GSDME: variants seen among roughly 807,000 people sequenced by gnomAD.
GSDME encodes gasdermin-E.
Under a neutral mutation model 47.5 loss-of-function variants are expected in GSDME, and 44 were observed. The observed-to-expected ratio is 0.93, with a 90% CI of 0.73 to 1.19. GSDME has a LOEUF of 1.19. Among genes scored for constraint, GSDME ranks in the 50% most tolerant of loss-of-function variants. The pLI is 0.00. For synonymous variants in GSDME, 258 were observed against 252.8 expected (o/e 1.02, Z -0.20); for missense variants, 663 against 604.2 (o/e 1.10, Z -1.02).
upstream of GSDME, among the ~76,000 whole-genome samples, chr7:24,760,710 T>A (rs1791153792): frequency 6.6e-6 from 1 of 152,250 alleles, no homozygotes. The surrounding 1 kb of genome is among the most constrained non-coding windows in gnomAD (Gnocchi z 4.2). Flanking sequence ...AAATTTGGCA[T>A]ACATTGATAT....
chr7:24,709,497 G>A (rs1239081699), intron 6 of GSDME, among the ~76,000 whole-genome samples: 4 of 152,062 alleles, frequency 2.6e-5, no homozygotes, highest in South Asian at 2.1e-4. Context: ...GGGACTCATC[G>A]AAGCTCCACA....
intron 9 of GSDME, among the ~76,000 whole-genome samples, chr7:24,702,240 A>T (rs186520433): frequency 2.0e-5 from 3 of 152,212 alleles, no homozygotes; most frequent in Non-Finnish European, 4.4e-5. Flanking sequence ...GGCTAAGCTC[A>T]TCATTACCTA....
At chr7:24,734,380 G>T (rs1202769693) in intron 3 of GSDME, among the ~76,000 whole-genome samples, 2 of 152,210 alleles carry the variant, frequency 1.3e-5, no homozygotes, top group African/African-American at 4.8e-5. Flanking sequence ...TCAAAGCCCA[G>T]ATACTGACAA....
chr7:24,791,886 G>A, the GSDME span, among the ~76,000 whole-genome samples: 44 of 152,344 alleles, frequency 2.9e-4, no homozygotes, highest in African/African-American at 7.7e-4. The surrounding 1 kb of genome is among the most constrained non-coding windows in gnomAD (Gnocchi z 4.8). Context: ...TGAGAGACAC[G>A]AAGTGAACTT....
intron 6 of GSDME, among the ~76,000 whole-genome samples, chr7:24,709,704 A>G (rs1382408434): frequency 6.6e-6 from 1 of 152,214 alleles, no homozygotes; most frequent in Non-Finnish European, 1.5e-5. Context: ...AGCAAAAGGA[A>G]TTGCTGCAGG....
In GSDME at chr7:24,712,473, C is replaced by G. The variant is rs1370152082; in HGVS notation, c.698-2085G>C. Among the ~76,000 whole-genome samples, 1 of 152,226 alleles carries G rather than the reference C, an allele frequency of 6.6e-6. No homozygotes were observed. The highest frequency in any genetic ancestry group is 1.5e-5 in the Non-Finnish European group (1 of 68,046). ...CAATTAATTCCTTCATTCTTTTCAT[C>G]CATCCATCCCCAGCCAGCCAGCCAG... On this transcript the variant is annotated intron_variant, in intron 5 of 9. Transcript: ENST00000645220. The surrounding 1 kb of genome is among the most constrained non-coding windows in gnomAD (Gnocchi z 4.4).
chr7:24,776,332 G>T, the GSDME span, among the ~76,000 whole-genome samples: 17 of 152,292 alleles, frequency 1.1e-4, 1 homozygote, highest in Admixed American at 7.2e-4. Flanking sequence ...GAGTCAGATT[G>T]TGTCTGTCAC....
rs550205345 is a variant in GSDME, at chr7:24,743,627, C to T, written c.404+935G>A. On this transcript the variant is annotated intron_variant, in intron 3 of 9. Coordinates refer to ENST00000645220, the MANE Select transcript of GSDME (RefSeq NM_001127453.2). The stretch of plus-strand genomic sequence containing the variant: ...GCCTTCAAGGTCCTGTGGGACTTGG[C>T]GCCCCACCCCTTTCAGCCCCTCCGA... Among the ~76,000 whole-genome samples, 6 of 152,214 alleles carry T rather than the reference C, an allele frequency of 3.9e-5. No individual in the cohort carries two copies. The East Asian group carries it at 5.8e-4, about 15-fold the overall frequency.
At position 24,754,276 on chromosome 7, in the gene GSDME, C is replaced by T. The variant is rs1283965595; in HGVS notation, c.-20+3120G>A. Among the ~76,000 whole-genome samples the T allele has an allele frequency of 6.6e-6, 1 of 152,080 alleles. No individual in the cohort carries two copies. Among genetic ancestry groups the T allele is most frequent in the African/African-American group, 2.4e-5 (1 of 41,408 alleles). On this transcript the variant is annotated intron_variant, in intron 1 of 9. Transcript: ENST00000645220. The surrounding 1 kb of genome is among the most constrained non-coding windows in gnomAD (Gnocchi z 5.0). ...CCGAGGTGGGGCGGATCACCTAGGT[C>T]AGGAGTTTGAAACCAGCCTGGCCCA...
intron 3 of GSDME, among the ~76,000 whole-genome samples, chr7:24,719,653 C>A (rs181076185): frequency 1.3e-5 from 2 of 152,004 alleles, no homozygotes; most frequent in Non-Finnish European, 2.9e-5. Flanking sequence ...ATTAGCCAGG[C>A]GTGGTGGCAC....
At chr7:24,749,378 T>C (rs1790779573) in intron 2 of GSDME, among the ~76,000 whole-genome samples, 186 bp downstream of exon 2, 1 of 151,680 alleles carries the variant, frequency 6.6e-6, no homozygotes, top group Admixed American at 6.6e-5. Flanking sequence ...GGTGGGTGCC[T>C]GTAATCCCAG....
In GSDME at chr7:24,742,187, G is replaced by C. The variant is rs905026063; in HGVS notation, c.404+2375C>G. ...TTCACCCACCAAGTATCCTCCCTAG[G>C]GACGCGGGTTCATGCCTCGGCCTTA... On this transcript the variant is annotated intron_variant, in intron 3 of 9. Transcript: ENST00000645220. This position sits in a 1 kb window ranked among gnomAD's most constrained non-coding sequence, Gnocchi z 4.4. Among the ~76,000 whole-genome samples the C allele has an allele frequency of 1.3e-5, 2 of 152,240 alleles. No individual in the cohort carries two copies. The highest frequency in any genetic ancestry group is 3.9e-4 in the East Asian group (2 of 5,174).
rs930780422 is a variant in GSDME at position 24,745,156 on chromosome 7, G to A, written c.212-402C>T. Among the ~76,000 whole-genome samples the A allele has an allele frequency of 5.3e-5, 8 of 152,150 alleles. No individual in the cohort carries two copies. The highest frequency in any genetic ancestry group is 1.3e-4 in the Admixed American group (2 of 15,276). ...GAAAGGACTAATGAATAAAGTTAGC[G>A]CCTGTTTAACCACTATCCAGGTGGA... On this transcript the variant is annotated intron_variant, in intron 2 of 9. Coordinates refer to ENST00000645220, the MANE Select transcript of GSDME (RefSeq NM_001127453.2). The surrounding 1 kb of genome is among the most constrained non-coding windows in gnomAD (Gnocchi z 4.4).
intron 2 of GSDME, among the ~76,000 whole-genome samples, chr7:24,748,168 A>ATATATATT (rs1483888057): frequency 8.5e-6 from 1 of 117,498 alleles, no homozygotes; most frequent in Non-Finnish European, 1.8e-5. Flanking sequence ...ATATATATAT[A>ATATATATT]TTTTTTTTTG....
rs1407457921 is a variant in GSDME at position 24,714,817 on chromosome 7, C to G, written c.697+2437G>C. 6.6e-6 allele frequency among the ~76,000 whole-genome samples: 1 copy of G among 152,176 alleles called. No individual in the cohort carries two copies. Among genetic ancestry groups the G allele is most frequent in the African/African-American group, 2.4e-5 (1 of 41,448 alleles). On this transcript the variant is annotated intron_variant, in intron 5 of 9. Coordinates refer to ENST00000645220, the MANE Select transcript of GSDME (RefSeq NM_001127453.2). The surrounding 1 kb of genome is among the most constrained non-coding windows in gnomAD (Gnocchi z 5.0). ...AGGAAGCTCGCATGGGGACCACCAC[C>G]TAGAGTGGCAGCCCAGGCCTGGGTC... is the stretch of plus-strand genomic sequence containing the variant.
intron 4 of GSDME, 122 bp from the exon 5 acceptor site, chr7:24,717,496 G>C: frequency 6.8e-7 from 1 of 1,480,798 alleles, no homozygotes; most frequent in Non-Finnish European, 9.2e-7. Flanking sequence ...ACAGAACCGA[G>C]TGGAACAGAG....
chr7:24,711,330 T>G (rs990162453), intron 5 of GSDME, among the ~76,000 whole-genome samples: 4 of 152,062 alleles, frequency 2.6e-5, no homozygotes, highest in African/African-American at 9.7e-5. Flanking sequence ...CTGGAAGCGA[T>G]TCTCCTGTCT....
At chr7:24,738,769 T>G (rs776214989) in intron 3 of GSDME, among the ~76,000 whole-genome samples, 2 of 152,136 alleles carry the variant, frequency 1.3e-5, no homozygotes, top group African/African-American at 2.4e-5. Context: ...AGTATGGTAA[T>G]GGCATATAAA....
At chr7:24,774,642 C>G in the GSDME span, among the ~76,000 whole-genome samples, 1 of 152,100 alleles carries the variant, frequency 6.6e-6, no homozygotes, top group South Asian at 2.1e-4. Flanking sequence ...AAGCAATTCT[C>G]CTGCCTCAGC....
Sources: allele counts gnomAD v4.1 joint callset (sites outside exome capture counted in the v4.1 genomes callset), GRCh38; gene constraint gnomAD v4.1.1; non-coding constraint Gnocchi (gnomAD v3.1); transcripts MANE v1.5; gene names NCBI Gene and HGNC (gene_info 2026-07-23, HGNC 2026-07-21).